STK32B: variants seen among roughly 807,000 people sequenced by gnomAD.
STK32B encodes the protein serine/threonine kinase 32B.
Under a neutral mutation model 52.6 loss-of-function variants are expected in STK32B, and 43 were observed. The observed-to-expected ratio is 0.82, with a 90% CI of 0.64 to 1.05. The LOEUF (loss-of-function observed/expected upper bound fraction) is 1.05, where lower values mean the gene tolerates loss of function less well. STK32B is among the 50% of genes least tolerant of loss of function. The pLI, the probability that STK32B is intolerant of heterozygous loss-of-function variation, is 0.00. For synonymous variants in STK32B, 238 were observed against 204.3 expected (o/e 1.17, Z -1.41); for missense variants, 621 against 534.6 (o/e 1.16, Z -1.59).
chr4:5,496,829 G>A (rs1315813881), intron 11 of STK32B, among the ~76,000 whole-genome samples: 1 of 151,474 alleles, frequency 6.6e-6, no homozygotes, highest in Non-Finnish European at 1.5e-5. Flanking sequence ...ACAGCATGAA[G>A]ATCAAAGTGA....
chr4:5,438,497 G>T (rs6827240), intron 6 of STK32B, among the ~76,000 whole-genome samples: 62,075 of 152,122 alleles, frequency 0.41, 13,336 homozygotes, highest in Non-Finnish European at 0.46. Flanking sequence ...GAGGAGGATG[G>T]CATTTAGGAG....
At chr4:5,356,735 G>A (rs1000185652) in intron 4 of STK32B, among the ~76,000 whole-genome samples, 2 of 152,146 alleles carry the variant, frequency 1.3e-5, no homozygotes, top group South Asian at 2.1e-4. Flanking sequence ...GGTGGCTCAC[G>A]CCTGTAATCC....
intron 1 of STK32B, among the ~76,000 whole-genome samples, chr4:5,094,584 G>C (rs1412188607): frequency 1.3e-5 from 2 of 152,208 alleles, no homozygotes; most frequent in Non-Finnish European, 2.9e-5. Context: ...GAGCCCGGGA[G>C]TTCAAGGCTA....
At chr4:5,180,379 A>G (rs1720262102) in intron 3 of STK32B, among the ~76,000 whole-genome samples, 1 of 152,130 alleles carries the variant, frequency 6.6e-6, no homozygotes, top group Non-Finnish European at 1.5e-5. Flanking sequence ...TCCTACCCTT[A>G]TCCTACCATT....
chr4:5,194,834 T>C (rs1721515400), intron 3 of STK32B, among the ~76,000 whole-genome samples: 1 of 152,068 alleles, frequency 6.6e-6, no homozygotes, highest in Non-Finnish European at 1.5e-5. Flanking sequence ...AGGAGCAAGA[T>C]GAAGGAGGAG....
chr4:5,473,446 C>T (rs1217867137), intron 11 of STK32B, among the ~76,000 whole-genome samples: 9 of 152,176 alleles, frequency 5.9e-5, no homozygotes, highest in African/African-American at 1.4e-4. Context: ...TCTGTACATC[C>T]GTCCTCTGAG....
At chr4:5,040,305 T>C in the STK32B span, among the ~76,000 whole-genome samples, 1 of 152,210 alleles carries the variant, frequency 6.6e-6, no homozygotes, top group Non-Finnish European at 1.5e-5. Flanking sequence ...CCTTCATTTT[T>C]TTCAGTTTAC....
intron 3 of STK32B, among the ~76,000 whole-genome samples, chr4:5,326,733 A>G (rs1467806615): frequency 1.3e-5 from 2 of 152,188 alleles, no homozygotes; most frequent in African/African-American, 2.4e-5. Flanking sequence ...TCTTTCCTCA[A>G]TGTTGATGGC....
chr4:5,279,502 G>A (rs758402701), intron 3 of STK32B, among the ~76,000 whole-genome samples: 28 of 152,204 alleles, frequency 1.8e-4, no homozygotes, highest in Non-Finnish European at 3.1e-4. Context: ...CCACAGGCTG[G>A]CATTGAGTGC....
chr4:5,374,122 A>G (rs988295471), intron 4 of STK32B, among the ~76,000 whole-genome samples: 3 of 152,340 alleles, frequency 2.0e-5, no homozygotes, highest in South Asian at 4.1e-4. Context: ...GCCACAAGCC[A>G]AGGAATGCCA....
chr4:5,292,811 A>C (rs1005848099), intron 3 of STK32B, among the ~76,000 whole-genome samples: 1 of 151,852 alleles, frequency 6.6e-6, no homozygotes, highest in Non-Finnish European at 1.5e-5. Flanking sequence ...TCTGGGATAC[A>C]TGTGCAGAAT....
the STK32B span, among the ~76,000 whole-genome samples, chr4:5,045,968 T>C: frequency 0.36 from 54,498 of 152,004 alleles, 10,050 homozygotes; most frequent in Middle Eastern, 0.49. Context: ...AGAACTGTTT[T>C]CATCAAACTA....
intron 3 of STK32B, among the ~76,000 whole-genome samples, chr4:5,188,189 G>A (rs113145302): frequency 0.014 from 2,103 of 152,280 alleles, 41 homozygotes; most frequent in African/African-American, 0.043. Flanking sequence ...AGTTCATCAC[G>A]TGCATGAAAT....
intron 3 of STK32B, among the ~76,000 whole-genome samples, chr4:5,213,923 G>A (rs78493857): frequency 4.3e-4 from 65 of 152,262 alleles, no homozygotes; most frequent in African/African-American, 7.5e-4. Flanking sequence ...TTGAAAAACC[G>A]CTCCCAATCT....
intron 3 of STK32B, among the ~76,000 whole-genome samples, chr4:5,317,458 A>T (rs1388556476): frequency 1.2e-4 from 5 of 41,704 alleles, no homozygotes; most frequent in Admixed American, 2.7e-4. Flanking sequence ...AATATATATA[A>T]TATATATGTA....
At chr4:5,420,970 G>A (rs749559506) in intron 6 of STK32B, among the ~76,000 whole-genome samples, 1 of 152,132 alleles carries the variant, frequency 6.6e-6, no homozygotes, top group African/African-American at 2.4e-5. Context: ...CATGATCTTG[G>A]CTCACTGCAA....
At chr4:5,080,170 T>C (rs113935252) in intron 1 of STK32B, among the ~76,000 whole-genome samples, 4 of 152,252 alleles carry the variant, frequency 2.6e-5, no homozygotes, top group African/African-American at 9.6e-5. Flanking sequence ...TGGCTCCCTA[T>C]TACTATCAGT....
intron 3 of STK32B, among the ~76,000 whole-genome samples, chr4:5,243,699 G>A (rs1229181877): frequency 6.6e-6 from 1 of 152,168 alleles, no homozygotes; most frequent in Non-Finnish European, 1.5e-5. Context: ...CATTCAGTAT[G>A]ATATTGCCTG....
At chr4:5,165,493 C>T (rs577832928) in intron 2 of STK32B, among the ~76,000 whole-genome samples, 1 of 152,320 alleles carries the variant, frequency 6.6e-6, no homozygotes, top group Non-Finnish European at 1.5e-5. Context: ...CACAGACTGT[C>T]TCCCAGCCTA....
Sources: allele counts gnomAD v4.1 joint callset (sites outside exome capture counted in the v4.1 genomes callset), GRCh38; gene constraint gnomAD v4.1.1; transcripts MANE v1.5; gene names NCBI Gene and HGNC (gene_info 2026-07-23, HGNC 2026-07-21).